Variants in LRFN2 observed in about 807,000 individuals in gnomAD.
The protein encoded by LRFN2 is leucine-rich repeat and fibronectin type-III domain-containing protein 2.
LRFN2 carries 18 observed loss-of-function variants against 37.3 expected under a neutral mutation model. That is an observed-to-expected ratio of 0.48 (90% CI 0.33 to 0.72). The LOEUF is 0.72. LRFN2 is among the 30% of genes least tolerant of loss of function. The probability of loss-of-function intolerance (pLI) is 0.02; values close to 1 mark genes in which losing one functional copy is unlikely to be tolerated. For synonymous variants in LRFN2, 556 were observed against 466.6 expected, an observed-to-expected ratio of 1.19 and a Z score of -2.47; for missense variants, 1,006 against 1,060.7, an observed-to-expected ratio of 0.95 and a Z score of 0.72.
chr6:40,483,495 G>A (rs1452016065), intron 1 of LRFN2, among the ~76,000 whole-genome samples: 1 of 152,236 alleles, frequency 6.6e-6, no homozygotes, highest in Non-Finnish European at 1.5e-5. Flanking sequence ...CTGATGGGAA[G>A]CCAATGAGGC....
chr6:40,548,440 C>CAAAAAAAAAAAAAAAAA (rs67639435), intron 1 of LRFN2, among the ~76,000 whole-genome samples: 171 of 142,654 alleles, frequency 1.2e-3, no homozygotes, highest in African/African-American at 4.0e-3. Flanking sequence ...GACTCCATCT[C>CAAAAAAAAAAAAAAAAA]AAAAAAAAAA....
At chr6:40,476,509 C>G (rs898001980) in intron 1 of LRFN2, among the ~76,000 whole-genome samples, 6 of 152,244 alleles carry the variant, frequency 3.9e-5, no homozygotes, top group African/African-American at 7.2e-5. Context: ...ACACGGGGAA[C>G]CCCATAGGTG....
At chr6:40,461,318 G>A (rs968960177) in intron 1 of LRFN2, among the ~76,000 whole-genome samples, 1 of 152,044 alleles carries the variant, frequency 6.6e-6, no homozygotes, top group Non-Finnish European at 1.5e-5. Context: ...TGAAGTGGGA[G>A]GATTGCTTGA....
At chr6:40,447,999 G>A (rs142190602) in intron 1 of LRFN2, among the ~76,000 whole-genome samples, 4 of 152,292 alleles carry the variant, frequency 2.6e-5, no homozygotes, top group African/African-American at 4.8e-5. Flanking sequence ...AGAAAGAATG[G>A]GGAGCATGCC....
intron 1 of LRFN2, among the ~76,000 whole-genome samples, chr6:40,579,932 T>C (rs1016549021): frequency 6.6e-6 from 1 of 152,132 alleles, no homozygotes; most frequent in Non-Finnish European, 1.5e-5. Context: ...TGAAGATGGA[T>C]GGGATTGCTT....
chr6:40,515,307 G>T (rs1765831860), intron 1 of LRFN2, among the ~76,000 whole-genome samples: 1 of 152,164 alleles, frequency 6.6e-6, no homozygotes, highest in Non-Finnish European at 1.5e-5. Context: ...CCTCCAGATT[G>T]GAAACTGTGT....
intron 1 of LRFN2, among the ~76,000 whole-genome samples, chr6:40,466,841 G>C (rs1036659837): frequency 6.6e-6 from 1 of 152,130 alleles, no homozygotes; most frequent in Non-Finnish European, 1.5e-5. Context: ...GTATTTGGAG[G>C]TAAGAGTCTT....
At chr6:40,473,668 C>G (rs541260434) in intron 1 of LRFN2, among the ~76,000 whole-genome samples, 2 of 152,156 alleles carry the variant, frequency 1.3e-5, no homozygotes, top group Admixed American at 6.5e-5. Flanking sequence ...CTGCATCTAT[C>G]AACCCATCAT....
intron 1 of LRFN2, among the ~76,000 whole-genome samples, chr6:40,505,817 G>A (rs1398275874): frequency 6.6e-6 from 1 of 152,216 alleles, no homozygotes; most frequent in African/African-American, 2.4e-5. Flanking sequence ...GGTCCCACCT[G>A]TGACTCCCCA....
chr6:40,582,580 T>C (rs746292992), intron 1 of LRFN2, among the ~76,000 whole-genome samples: 3 of 151,900 alleles, frequency 2.0e-5, no homozygotes, highest in East Asian at 1.9e-4. Context: ...CTTGGAGACA[T>C]TCAAAAAAGC....
intron 1 of LRFN2, among the ~76,000 whole-genome samples, chr6:40,571,784 G>T (rs1488660822): frequency 1.3e-5 from 2 of 152,190 alleles, no homozygotes; most frequent in Non-Finnish European, 2.9e-5. Flanking sequence ...ACAGGAAAGG[G>T]GGAAGAGCCT....
intron 2 of LRFN2, among the ~76,000 whole-genome samples, chr6:40,427,601 A>C (rs1375312610): frequency 1.3e-5 from 2 of 152,246 alleles, no homozygotes; most frequent in Non-Finnish European, 2.9e-5. Flanking sequence ...ATGACTTGGC[A>C]GGATTTGCCC....
At chr6:40,396,419 TC>T (rs1442009642) in intron 2 of LRFN2, among the ~76,000 whole-genome samples, 1 of 152,150 alleles carries the variant, frequency 6.6e-6, no homozygotes, top group Non-Finnish European at 1.5e-5. Flanking sequence ...CTGCCTGGTC[TC>T]CCCAACTCAC....
At chr6:40,427,791 T>C (rs1763389022) in intron 2 of LRFN2, among the ~76,000 whole-genome samples, 1 of 152,238 alleles carries the variant, frequency 6.6e-6, no homozygotes, top group Admixed American at 6.5e-5. Context: ...TCTCTGTCCA[T>C]GCTATCTCAG....
At chr6:40,527,816 C>A (rs1766281214) in intron 1 of LRFN2, among the ~76,000 whole-genome samples, 3 of 152,142 alleles carry the variant, frequency 2.0e-5, no homozygotes, top group Admixed American at 6.5e-5. Context: ...TGCTTATGTT[C>A]TAAATTTGGG....
chr6:40,473,288 A>G (rs891590371), intron 1 of LRFN2, among the ~76,000 whole-genome samples: 26 of 152,138 alleles, frequency 1.7e-4, no homozygotes, highest in African/African-American at 5.6e-4. Flanking sequence ...CTTAAATGTC[A>G]TGTCTCCAGG....
intron 2 of LRFN2, among the ~76,000 whole-genome samples, chr6:40,403,372 T>C (rs889618966): frequency 2.0e-5 from 3 of 152,108 alleles, no homozygotes; most frequent in Non-Finnish European, 4.4e-5. Flanking sequence ...TGGGATTCAG[T>C]GAGGGCTCCA....
intron 1 of LRFN2, among the ~76,000 whole-genome samples, chr6:40,443,221 A>G (rs1763885045): frequency 6.6e-6 from 1 of 152,150 alleles, no homozygotes; most frequent in Non-Finnish European, 1.5e-5. Context: ...ACCTGGACTT[A>G]TAGGAAACCA....
intron 1 of LRFN2, among the ~76,000 whole-genome samples, chr6:40,509,053 T>G (rs1765621058): frequency 6.6e-6 from 1 of 152,150 alleles, no homozygotes; most frequent in Non-Finnish European, 1.5e-5. Flanking sequence ...TAGAGATGTG[T>G]GGGGAGGTGG....
Sources: gnomAD v4.1 joint callset for allele counts (sites outside exome capture counted in the v4.1 genomes callset) on GRCh38, gnomAD v4.1.1 for gene constraint, MANE v1.5 for transcripts, NCBI Gene and HGNC (gene_info 2026-07-23, HGNC 2026-07-21) for gene names.